Variants in TMEM74 observed in about 807,000 individuals in gnomAD.
TMEM74 encodes transmembrane protein 74.
A neutral mutation model predicts 18.1 loss-of-function variants in TMEM74; 13 were observed. The observed-to-expected ratio is 0.72, with a 90% CI of 0.47 to 1.14. The LOEUF is 1.14. TMEM74 is among the 50% of genes most tolerant of loss of function. The pLI, the probability that TMEM74 is intolerant of heterozygous loss-of-function variation, is 0.00. For missense variants in TMEM74, 372 were observed against 375.9 expected, an observed-to-expected ratio of 0.99 and a Z score of 0.09; for synonymous variants, 159 against 146.6, an observed-to-expected ratio of 1.08 and a Z score of -0.61.
chr8:108,627,873 T>G (rs1279347861), intron 2 of TMEM74, among the ~76,000 whole-genome samples: 1 of 151,888 alleles, frequency 6.6e-6, no homozygotes, highest in African/African-American at 2.4e-5. Context: ...GGCAATATGG[T>G]GAAACCTCGT....
rs988046070 is a variant in TMEM74 at position 108,633,342 on chromosome 8, A to G, written n.264+21951T>C. ...GGAGAAATTTGTCAAGCAAATAAAA[A>G]ATTTGTGCTGCTATCTCTTCCCTCT... On this transcript the variant is annotated intron_variant and non_coding_transcript_variant, in intron 2 of 3. Coordinates refer to the TMEM74 transcript ENST00000518838. Among the ~76,000 whole-genome samples the G allele has an allele frequency of 2.0e-5, 3 of 152,116 alleles. No individual in the cohort carries two copies. In the East Asian group the frequency reaches 5.8e-4, roughly 29 times the overall value.
intron 1 of TMEM74, among the ~76,000 whole-genome samples, chr8:108,694,676 C>A (rs879386146): frequency 1.6e-4 from 24 of 152,194 alleles, no homozygotes; most frequent in Admixed American, 6.5e-4. Context: ...CAACAAGATA[C>A]ATGCATACAT....
downstream of TMEM74, among the ~76,000 whole-genome samples, chr8:108,777,983 C>T (rs959709925): frequency 6.6e-6 from 1 of 151,914 alleles, no homozygotes; most frequent in African/African-American, 2.4e-5. Flanking sequence ...ATAATTGTGA[C>T]AATTTTTTTT....
intron 1 of TMEM74, among the ~76,000 whole-genome samples, chr8:108,700,368 G>A (rs941809667): frequency 6.6e-6 from 1 of 152,012 alleles, no homozygotes; most frequent in Non-Finnish European, 1.5e-5. Context: ...TGCTGTTTTG[G>A]GATGTATTTT....
At chr8:108,736,408 T>A (rs1813750109) in intron 1 of TMEM74, among the ~76,000 whole-genome samples, 2 of 152,166 alleles carry the variant, frequency 1.3e-5, no homozygotes, top group Non-Finnish European at 2.9e-5. Context: ...TCTCTGATGA[T>A]CCTATATAAA....
intron 1 of TMEM74, among the ~76,000 whole-genome samples, chr8:108,694,060 G>C (rs765442774): frequency 6.6e-6 from 1 of 152,210 alleles, no homozygotes; most frequent in Non-Finnish European, 1.5e-5. Flanking sequence ...TTTGTTACAT[G>C]CATAGAATGT....
At chr8:108,772,287 C>T (rs1323974336) in intron 1 of TMEM74, among the ~76,000 whole-genome samples, 1 of 151,972 alleles carries the variant, frequency 6.6e-6, no homozygotes, top group Admixed American at 6.6e-5. Flanking sequence ...TACTGGAAAC[C>T]AAGGTAAGAG....
At chr8:108,687,351 C>G (rs1423702213) in intron 1 of TMEM74, among the ~76,000 whole-genome samples, 1 of 76,926 alleles carries the variant, frequency 1.3e-5, no homozygotes, top group African/African-American at 7.9e-5. Context: ...AAAAAACAAG[C>G]AGCAGACTGG....
At chr8:108,741,091 C>G (rs1813795595) in intron 1 of TMEM74, among the ~76,000 whole-genome samples, 1 of 152,026 alleles carries the variant, frequency 6.6e-6, no homozygotes, top group South Asian at 2.1e-4. Context: ...TTGCTGAAGA[C>G]TTCGTACTGT....
chr8:108,732,775 A>C (rs1813708647), intron 1 of TMEM74, among the ~76,000 whole-genome samples: 1 of 95,932 alleles, frequency 1.0e-5, no homozygotes. Context: ...ATAGACAAAT[A>C]TTTTCAAATA....
intron 2 of TMEM74, among the ~76,000 whole-genome samples, chr8:108,643,974 A>AT (rs1387558928): frequency 6.6e-6 from 1 of 152,098 alleles, no homozygotes; most frequent in Non-Finnish European, 1.5e-5. Flanking sequence ...TACCAATGAC[A>AT]TTTTTCACAG....
In TMEM74 at chr8:108,784,105, CT is replaced by C. The variant is rs1419031092; in HGVS notation, c.*75del. The C allele has an allele frequency of 3.1e-6, 4 of 1,306,128 alleles. No individual in the cohort carries two copies. Among genetic ancestry groups the C allele is most frequent in the African/African-American group, 3.0e-5 (2 of 66,438 alleles). 80.9% of individuals were successfully genotyped at this position (1,306,128 alleles called of 1,614,324 possible). On this transcript the variant is annotated 3_prime_UTR_variant, in exon 2 of 2. Coordinates refer to ENST00000297459, the MANE Select transcript of TMEM74 (RefSeq NM_153015.3). Reference sequence around the variant, plus strand: ...TTTCTTGCCAGGCAAATAAATTGCACTGTGAATTTTTATAAATTAACTTTTT... The same window carrying C: ...TTTCTTGCCAGGCAAATAAATTGCACGTGAATTTTTATAAATTAACTTTTT...
intron 1 of TMEM74, among the ~76,000 whole-genome samples, chr8:108,665,496 T>C (rs1272659292): frequency 6.6e-6 from 1 of 152,072 alleles, no homozygotes; most frequent in African/African-American, 2.4e-5. Flanking sequence ...AGGTTTTATT[T>C]CCAAAGATTT....
intron 1 of TMEM74, among the ~76,000 whole-genome samples, chr8:108,742,483 T>C (rs79155368): frequency 0.011 from 1,617 of 152,310 alleles, 36 homozygotes; most frequent in African/African-American, 0.037. Flanking sequence ...CTCAACACTG[T>C]GGCTACATTA....
chr8:108,687,691 G>A (rs372615680), intron 1 of TMEM74, among the ~76,000 whole-genome samples: 1 of 152,072 alleles, frequency 6.6e-6, no homozygotes, highest in African/African-American at 2.4e-5. Flanking sequence ...CATAAAGAGT[G>A]TGCAACCTAG....
At chr8:108,636,882 A>G (rs1014198846) in intron 2 of TMEM74, among the ~76,000 whole-genome samples, 5 of 151,390 alleles carry the variant, frequency 3.3e-5, no homozygotes, top group African/African-American at 1.2e-4. Flanking sequence ...CTCCTCAAAG[A>G]ATGAAAATGA....
chr8:108,654,864 T>C (rs1197089504), intron 2 of TMEM74, among the ~76,000 whole-genome samples: 4 of 152,132 alleles, frequency 2.6e-5, no homozygotes. Context: ...TTGTATATAT[T>C]GTTTTTCATC....
chr8:108,692,165 G>C (rs2130608236), intron 1 of TMEM74, among the ~76,000 whole-genome samples: 1 of 152,328 alleles, frequency 6.6e-6, no homozygotes, highest in South Asian at 2.1e-4. Flanking sequence ...TGTATGTAAA[G>C]AGTTGCATGA....
intron 2 of TMEM74, among the ~76,000 whole-genome samples, chr8:108,629,858 T>C (rs1223777172): frequency 6.6e-6 from 1 of 151,950 alleles, no homozygotes; most frequent in Non-Finnish European, 1.5e-5. Context: ...AATGAAAAAC[T>C]GGTACCAGCC....
Sources: gnomAD v4.1 joint callset for allele counts (sites outside exome capture counted in the v4.1 genomes callset) on GRCh38, gnomAD v4.1.1 for gene constraint, MANE v1.5 for transcripts, NCBI Gene and HGNC (gene_info 2026-07-23, HGNC 2026-07-21) for gene names.